GRM1: variants seen among roughly 807,000 people sequenced by gnomAD.
GRM1 encodes the protein metabotropic glutamate receptor 1.
A neutral mutation model predicts 90.9 loss-of-function variants in GRM1; 33 were observed. The observed-to-expected ratio is 0.36, with a 90% CI of 0.28 to 0.49. The LOEUF (loss-of-function observed/expected upper bound fraction) is 0.49. Among genes scored for constraint, GRM1 ranks in the 20% least tolerant of loss-of-function variants. GRM1 has a pLI of 0.99. For synonymous variants in GRM1, 700 were observed against 613.2 expected, an observed-to-expected ratio of 1.14 and a Z score of -2.09; for missense variants, 1,190 against 1,534.3, an observed-to-expected ratio of 0.78 and a Z score of 3.75.
intron 1 of GRM1, among the ~76,000 whole-genome samples, chr6:146,147,047 C>T (rs1777136410): frequency 6.6e-6 from 1 of 152,130 alleles, no homozygotes; most frequent in African/African-American, 2.4e-5. Flanking sequence ...CAAAAATTTC[C>T]CAGAAGCTTC....
At chr6:146,302,270 C>T (rs1033898071) in intron 2 of GRM1, among the ~76,000 whole-genome samples, 1 of 150,724 alleles carries the variant, frequency 6.6e-6, no homozygotes, top group Admixed American at 6.7e-5. Flanking sequence ...TCCCCCACTA[C>T]CTCACACACA....
chr6:146,261,803 G>T (rs1228823189), intron 2 of GRM1, among the ~76,000 whole-genome samples: 1 of 151,046 alleles, frequency 6.6e-6, no homozygotes, highest in East Asian at 1.9e-4. Context: ...AAAATGCAGA[G>T]AAAAAAATCA....
chr6:146,030,700 T>G (rs1361246511), intron 1 of GRM1, among the ~76,000 whole-genome samples: 1 of 152,240 alleles, frequency 6.6e-6, no homozygotes, highest in Non-Finnish European at 1.5e-5. Flanking sequence ...TGTCCTCTTG[T>G]ACCCCTTCTT....
chr6:146,030,505 C>T (rs1463928285), intron 1 of GRM1, among the ~76,000 whole-genome samples: 1 of 152,154 alleles, frequency 6.6e-6, no homozygotes, highest in Admixed American at 6.5e-5. Context: ...CTTGTTTGCC[C>T]TCATATTTTG....
At chr6:146,197,618 C>A (rs1779165681) in intron 2 of GRM1, among the ~76,000 whole-genome samples, 1 of 152,146 alleles carries the variant, frequency 6.6e-6, no homozygotes, top group African/African-American at 2.4e-5. Flanking sequence ...TCCAGACAAC[C>A]CAGATCTTTT....
chr6:146,359,502 A>C (rs1775377652), intron 5 of GRM1, among the ~76,000 whole-genome samples: 1 of 152,190 alleles, frequency 6.6e-6, no homozygotes, highest in South Asian at 2.1e-4. Flanking sequence ...GGAACTGCAA[A>C]GTTCAGTTTT....
intron 2 of GRM1, among the ~76,000 whole-genome samples, chr6:146,188,442 G>T (rs990335979): frequency 6.6e-6 from 1 of 152,066 alleles, no homozygotes; most frequent in African/African-American, 2.4e-5. Flanking sequence ...TGCTACCTCA[G>T]TTGCCACAGG....
intron 1 of GRM1, among the ~76,000 whole-genome samples, chr6:146,144,194 G>A (rs58035643): frequency 1.3e-5 from 2 of 152,234 alleles, no homozygotes; most frequent in East Asian, 3.9e-4. Context: ...TCACATACTT[G>A]GTTTCTGCTC....
intron 2 of GRM1, among the ~76,000 whole-genome samples, chr6:146,278,303 A>T (rs1782445088): frequency 6.6e-6 from 1 of 152,210 alleles, no homozygotes; most frequent in South Asian, 2.1e-4. Flanking sequence ...TGGGCTTAGA[A>T]AGTTAAAGAG....
At position 146,434,245 on chromosome 6, in the gene GRM1, G is replaced by T; in HGVS notation, c.3034G>T (p.Gly1012Cys). ...CCTGGCCGAACCAGCCCTCCCCAAG[G>T]GCTTGCCCCCTCCTCTCCAGCAGCA... ...LFLAEPALPK[G>C]LPPPLQQQQQ... The change falls in exon 8 of 8, where the codon GGC becomes TGC. Residue 1012 changes from glycine (G) to cysteine (C), a missense_variant. Coordinates refer to ENST00000282753, the MANE Select transcript of GRM1 (RefSeq NM_001278064.2). 2.5e-6 allele frequency: 4 copies of T among 1,602,718 alleles called. No homozygotes were observed. Among genetic ancestry groups the T allele is most frequent in the Non-Finnish European group, 3.4e-6 (4 of 1,172,792 alleles).
At chr6:146,149,297 A>T in intron 1 of GRM1, among the ~76,000 whole-genome samples, 1 of 152,216 alleles carries the variant, frequency 6.6e-6, no homozygotes, top group East Asian at 1.9e-4. Flanking sequence ...AGTCATGGAC[A>T]CAAGGTGACC....
At chr6:146,423,729 C>T (rs571032636) in intron 7 of GRM1, among the ~76,000 whole-genome samples, 9 of 152,182 alleles carry the variant, frequency 5.9e-5, no homozygotes, top group Admixed American at 6.5e-5. Flanking sequence ...GTCAGTACAC[C>T]GAGTTGCTAA....
intron 2 of GRM1, among the ~76,000 whole-genome samples, chr6:146,259,366 A>G (rs1781598468): frequency 6.6e-6 from 1 of 152,192 alleles, no homozygotes; most frequent in Admixed American, 6.6e-5. Flanking sequence ...TGCATTATAT[A>G]GTATTGTTAA....
chr6:146,356,412 G>C (rs932298175), intron 4 of GRM1, among the ~76,000 whole-genome samples: 3 of 144,468 alleles, frequency 2.1e-5, no homozygotes, highest in African/African-American at 7.4e-5. Flanking sequence ...TTGTCCTTGT[G>C]TGGTGGAAGG....
At chr6:146,131,259 G>C (rs1485216125) in intron 1 of GRM1, among the ~76,000 whole-genome samples, 2 of 152,014 alleles carry the variant, frequency 1.3e-5, no homozygotes, top group African/African-American at 4.8e-5. Context: ...TTCTCAAGTA[G>C]AATTTTAGAC....
chr6:146,299,444 T>G (rs1783297674), intron 2 of GRM1, among the ~76,000 whole-genome samples: 1 of 152,130 alleles, frequency 6.6e-6, no homozygotes, highest in African/African-American at 2.4e-5. Flanking sequence ...TCCTCTTATA[T>G]TTTGCTTTTA....
chr6:146,079,154 C>G (rs541539411), intron 1 of GRM1, among the ~76,000 whole-genome samples: 2 of 152,266 alleles, frequency 1.3e-5, no homozygotes, highest in South Asian at 4.1e-4. Context: ...ATCAGGGGAG[C>G]CCTTTTTACT....
intron 2 of GRM1, among the ~76,000 whole-genome samples, chr6:146,191,284 G>T (rs1299040447): frequency 6.6e-6 from 1 of 152,188 alleles, no homozygotes; most frequent in Non-Finnish European, 1.5e-5. Context: ...CTACTGGATT[G>T]TGGGTTCCTT....
chr6:146,053,305 C>A (rs1775363596), intron 1 of GRM1, among the ~76,000 whole-genome samples: 1 of 151,860 alleles, frequency 6.6e-6, no homozygotes, highest in East Asian at 1.9e-4. Context: ...AACATGTCTC[C>A]AGAACTTTGA....
Sources: allele counts gnomAD v4.1 joint callset (sites outside exome capture counted in the v4.1 genomes callset), GRCh38; gene constraint gnomAD v4.1.1; transcripts MANE v1.5; gene names NCBI Gene and HGNC (gene_info 2026-07-23, HGNC 2026-07-21).